Variants in ADAM18 observed in about 807,000 individuals in gnomAD.
ADAM18 encodes disintegrin and metalloproteinase domain-containing protein 18.
Under a neutral mutation model 94.4 loss-of-function variants are expected in ADAM18, and 117 were observed. The observed-to-expected ratio is 1.24, with a 90% CI of 1.07 to 1.45. The LOEUF is 1.45. ADAM18 is among the 40% of genes most tolerant of loss of function. The pLI is 0.00. For missense variants in ADAM18, 936 were observed against 880.0 expected (o/e 1.06, Z -0.81); for synonymous variants, 327 against 291.6 (o/e 1.12, Z -1.24).
intron 2 of ADAM18, among the ~76,000 whole-genome samples, chr8:39,605,290 G>T (rs901673386): frequency 1.3e-5 from 2 of 152,058 alleles, no homozygotes; most frequent in Non-Finnish European, 2.9e-5. Flanking sequence ...GTCCAGTTAC[G>T]CCCCCCTGAA....
chr8:39,712,322 C>T (rs900871470), intron 18 of ADAM18, among the ~76,000 whole-genome samples: 3 of 152,114 alleles, frequency 2.0e-5, no homozygotes, highest in Non-Finnish European at 4.4e-5. Context: ...TATGACAAAT[C>T]CACAGCCAAT....
rs146356127 is a variant in ADAM18 at position 39,649,040 on chromosome 8, A to G, written c.1230+513A>G. Among the ~76,000 whole-genome samples, 867 of 152,240 alleles carry G rather than the reference A, an allele frequency of 5.7e-3. 10 individuals are homozygous for G. The highest frequency in any genetic ancestry group is 0.02 in the African/African-American group (824 of 41,560). Reference sequence around the variant, plus strand: ...TATATACCCGATTATAATTTCATCAATCAAATGTTCAATGAACATTATTTT... The same window carrying G: ...TATATACCCGATTATAATTTCATCAGTCAAATGTTCAATGAACATTATTTT... On this transcript the variant is annotated intron_variant, in intron 12 of 19. Transcript: ENST00000265707.
chr8:39,698,342 C>G (rs989992143), intron 17 of ADAM18, among the ~76,000 whole-genome samples: 1 of 151,832 alleles, frequency 6.6e-6, no homozygotes, highest in Non-Finnish European at 1.5e-5. Context: ...CAATTTTTCT[C>G]ATATCTAAGC....
chr8:39,701,848 A>G (rs1237087097), intron 17 of ADAM18, among the ~76,000 whole-genome samples: 6 of 152,170 alleles, frequency 3.9e-5, no homozygotes, highest in Non-Finnish European at 8.8e-5. Flanking sequence ...ATAGTATTCC[A>G]TGGTGTATAT....
rs199646125 is a variant in ADAM18, at chr8:39,728,068, G to A, written c.2178-1830G>A. On this transcript the variant is annotated intron_variant, in intron 19 of 19. Coordinates refer to ENST00000265707, the MANE Select transcript of ADAM18 (RefSeq NM_014237.3). ...TCACAAGAGAAAAGCAGGAGCAAGC[G>A]AGAGAGTCAGGTGAGGATGGTACCA... Among the ~76,000 whole-genome samples, 28 of 152,164 alleles carry A rather than the reference G, an allele frequency of 1.8e-4. No homozygotes were observed. The East Asian group carries it at 4.3e-3, about 23-fold the overall frequency.
rs1393080141 is a variant in ADAM18, at chr8:39,668,015, T to G, written c.1344T>G (p.Thr448=). ...CCTCCCAGTTGTCAATAGCAGGCAC[T>G]CCATGTAGAAAGAGTATTGATCCAG... ...TSKCELSIAG[T]PCRKSIDPEC... Residue 448 remains threonine, a synonymous_variant, in exon 14 of 20, where the codon ACT becomes ACG. Coordinates refer to ENST00000265707, the MANE Select transcript of ADAM18 (RefSeq NM_014237.3). 1.2e-6 allele frequency: 2 copies of G among 1,613,996 alleles called. No individual in the cohort carries two copies. The highest frequency in any genetic ancestry group is 8.5e-7 in the Non-Finnish European group (1 of 1,179,916).
chr8:39,692,769 C>T, intron 17 of ADAM18, 89 bp downstream of exon 17: 1 of 1,013,790 alleles, frequency 9.9e-7, no homozygotes, highest in Non-Finnish European at 1.5e-6. Context: ...TCTAGGTTGA[C>T]TTGCCTAGCT....
At chr8:39,658,217 G>A (rs1229652941) in intron 12 of ADAM18, among the ~76,000 whole-genome samples, 1 of 152,122 alleles carries the variant, frequency 6.6e-6, no homozygotes, top group African/African-American at 2.4e-5. Context: ...TATAATTGTG[G>A]TAGGCAGAAT....
chr8:39,611,287 GC>G (rs1240384483), intron 6 of ADAM18: 1 of 487,554 alleles, frequency 2.1e-6, no homozygotes, highest in Non-Finnish European at 2.7e-6. Flanking sequence ...TTCTTCCTTT[GC>G]CTTTGTCTTA....
intron 10 of ADAM18, among the ~76,000 whole-genome samples, chr8:39,639,026 CT>C (rs1261750494): frequency 2.6e-5 from 4 of 151,746 alleles, no homozygotes; most frequent in Non-Finnish European, 5.9e-5. Context: ...ATTTACAACC[CT>C]TAAATCATCT....
At chr8:39,591,476 T>C (rs912633843) in intron 2 of ADAM18, among the ~76,000 whole-genome samples, 5 of 152,194 alleles carry the variant, frequency 3.3e-5, no homozygotes, top group Admixed American at 1.3e-4. Flanking sequence ...GTAGATTCCA[T>C]CTCAGGAAAC....
At chr8:39,628,201 T>G (rs984505264) in intron 6 of ADAM18, among the ~76,000 whole-genome samples, 25 of 152,038 alleles carry the variant, frequency 1.6e-4, no homozygotes, top group African/African-American at 5.8e-4. Flanking sequence ...TGCAATAGTA[T>G]GATCACAAAA....
intron 12 of ADAM18, among the ~76,000 whole-genome samples, chr8:39,654,358 C>G (rs1166335921): frequency 6.6e-6 from 1 of 151,276 alleles, no homozygotes; most frequent in Admixed American, 6.6e-5. Flanking sequence ...GCGTGAGCCG[C>G]CGCACCTGGC....
At chr8:39,634,371 A>G (rs572796972) in intron 7 of ADAM18, among the ~76,000 whole-genome samples, 1 of 152,290 alleles carries the variant, frequency 6.6e-6, no homozygotes, top group East Asian at 1.9e-4. Flanking sequence ...TGGGCCACCC[A>G]CAACACCCCA....
chr8:39,656,240 T>A (rs1820678962), intron 12 of ADAM18, among the ~76,000 whole-genome samples: 1 of 152,056 alleles, frequency 6.6e-6, no homozygotes, highest in Admixed American at 6.5e-5. Flanking sequence ...ATAAATCTAT[T>A]TTCATTATAA....
intron 2 of ADAM18, among the ~76,000 whole-genome samples, 177 bp from the exon 3 acceptor site, chr8:39,606,130 G>T (rs1024847756): frequency 2.6e-5 from 4 of 151,770 alleles, no homozygotes; most frequent in Non-Finnish European, 4.4e-5. Flanking sequence ...ACATTAAATT[G>T]GTCACATTGT....
chr8:39,724,815 CA>C (rs1318878037), intron 19 of ADAM18, among the ~76,000 whole-genome samples: 1 of 151,894 alleles, frequency 6.6e-6, no homozygotes, highest in African/African-American at 2.4e-5. Flanking sequence ...TGGACTCATA[CA>C]TTAGTTAGAA....
chr8:39,587,323 A>G (rs1056719374), intron 2 of ADAM18, among the ~76,000 whole-genome samples: 4 of 152,240 alleles, frequency 2.6e-5, no homozygotes, highest in Non-Finnish European at 5.9e-5. Flanking sequence ...GCATATCTCT[A>G]GAACTTATTC....
chr8:39,622,876 A>G (rs185331708), intron 6 of ADAM18, among the ~76,000 whole-genome samples: 206 of 152,154 alleles, frequency 1.4e-3, no homozygotes, highest in African/African-American at 4.8e-3. Flanking sequence ...ATATATTTAT[A>G]TATATATTTT....
Sources: allele counts gnomAD v4.1 joint callset (sites outside exome capture counted in the v4.1 genomes callset), GRCh38; gene constraint gnomAD v4.1.1; transcripts MANE v1.5; gene names NCBI Gene and HGNC (gene_info 2026-07-23, HGNC 2026-07-21).